Variants in GPR55 observed in about 807,000 individuals in gnomAD.
The protein encoded by GPR55 is G protein-coupled receptor 55.
In GPR55, 6 loss-of-function variants were observed where a neutral mutation model predicts 7.9. The observed-to-expected ratio is 0.76, with a 90% CI of 0.41 to 1.49. The LOEUF (loss-of-function observed/expected upper bound fraction) is 1.49, where lower values mean the gene tolerates loss of function less well. GPR55 is among the 40% of genes most tolerant of loss of function. GPR55 has a pLI of 0.01. For missense variants in GPR55, 376 were observed against 406.0 expected (o/e 0.93, Z 0.63); for synonymous variants, 183 against 166.8 (o/e 1.10, Z -0.75).
chr2:230,935,276 A>G (rs1691116124), intron 1 of GPR55, among the ~76,000 whole-genome samples: 1 of 152,078 alleles, frequency 6.6e-6, no homozygotes, highest in Non-Finnish European at 1.5e-5. Context: ...TAGGAACTAG[A>G]GTGTGTGGTC....
intron 1 of GPR55, among the ~76,000 whole-genome samples, chr2:230,955,043 A>G (rs1170256767): frequency 3.3e-5 from 5 of 152,248 alleles, no homozygotes; most frequent in Non-Finnish European, 7.3e-5. Context: ...TTAGGGACAG[A>G]GTCATCTTTT....
At chr2:230,929,105 G>A (rs570742655), upstream of GPR55, among the ~76,000 whole-genome samples, 255 of 152,124 alleles carry the variant, frequency 1.7e-3, no homozygotes, top group African/African-American at 5.9e-3. Flanking sequence ...CCCCCACCTC[G>A]GCCTCCCAAA....
chr2:230,951,941 T>G (rs1175656862), intron 1 of GPR55, among the ~76,000 whole-genome samples: 1 of 151,738 alleles, frequency 6.6e-6, no homozygotes, highest in African/African-American at 2.4e-5. Flanking sequence ...TTTTTTTTAA[T>G]TTTTTTGCAG....
At chr2:230,946,414 GT>G (rs1287351196) in intron 1 of GPR55, among the ~76,000 whole-genome samples, 1 of 152,210 alleles carries the variant, frequency 6.6e-6, no homozygotes, top group Non-Finnish European at 1.5e-5. Context: ...CGATGGATGT[GT>G]TCATTAGCTT....
At chr2:230,931,701 T>C (rs895230877) in intron 1 of GPR55, among the ~76,000 whole-genome samples, 1 of 152,132 alleles carries the variant, frequency 6.6e-6, no homozygotes, top group Non-Finnish European at 1.5e-5. Context: ...GGCCTCACGG[T>C]GCGACCTCCT....
intron 1 of GPR55, among the ~76,000 whole-genome samples, chr2:230,935,709 A>C (rs1691122319): frequency 6.6e-6 from 1 of 152,232 alleles, no homozygotes; most frequent in Non-Finnish European, 1.5e-5. Flanking sequence ...GGTACGGAAT[A>C]CCGACACAGG....
intron 1 of GPR55, among the ~76,000 whole-genome samples, chr2:230,933,327 G>A (rs1047491425): frequency 1.7e-4 from 26 of 151,948 alleles, no homozygotes; most frequent in African/African-American, 5.8e-4. Flanking sequence ...CCTCCCATCC[G>A]TCCACCGCAT....
In GPR55 at chr2:230,910,900, G is replaced by A. The variant is rs1192779057; in HGVS notation, c.63C>T (p.Thr21=). The change falls in exon 2 of 2, where the codon ACC becomes ACT. Residue 21 remains threonine (T), a synonymous_variant. Coordinates refer to ENST00000650999, the MANE Select transcript of GPR55 (RefSeq NM_005683.4). The surrounding 1 kb of genome is among the most constrained non-coding windows in gnomAD (Gnocchi z 5.4). ...LFDGVNELMK[T]LQFAVHIPTF... is the part of the protein sequence containing the mutation. ...TGGGGATGTGGACTGCAAACTGTAG[G>A]GTTTTCATCAGCTCGTTGACACCGT... 1 of 1,612,914 alleles carries A rather than the reference G, an allele frequency of 6.2e-7. No individual in the cohort carries two copies. Among genetic ancestry groups the A allele is most frequent in the African/African-American group, 1.3e-5 (1 of 74,900 alleles).
At chr2:230,925,744 G>A (rs970226045), upstream of GPR55, among the ~76,000 whole-genome samples, 1 of 152,150 alleles carries the variant, frequency 6.6e-6, no homozygotes, top group African/African-American at 2.4e-5. Flanking sequence ...GCCTAGCGTC[G>A]GAGGAGACCT....
chr2:230,958,533 G>A (rs983009361), intron 1 of GPR55, among the ~76,000 whole-genome samples: 3 of 151,856 alleles, frequency 2.0e-5, no homozygotes, highest in Non-Finnish European at 1.5e-5. Context: ...ACCTCCCTCT[G>A]ACAGTGCCCC....
chr2:230,907,423 G>T lies in GPR55; in HGVS notation c.*2580C>A, dbSNP rs1690474104. The T allele has an allele frequency of 6.6e-6, 1 of 152,296 alleles. No homozygotes were observed. Among genetic ancestry groups the T allele is most frequent in the Non-Finnish European group, 1.5e-5 (1 of 68,082 alleles). The allele number at this position is 152,296 out of a possible 1,614,324, so 9.4% of individuals were successfully genotyped here. ...TCCTGTGCTGCTGGGCCCCACTGCT[G>T]ATTATGGGCCAGCTTGGGTTGCAGC... is the stretch of plus-strand genomic sequence containing the variant. On this transcript the variant is annotated 3_prime_UTR_variant, in exon 2 of 2. Transcript: ENST00000650999.
chr2:230,938,612 GT>G (rs1691170361), intron 1 of GPR55, among the ~76,000 whole-genome samples: 1 of 152,218 alleles, frequency 6.6e-6, no homozygotes, highest in African/African-American at 2.4e-5. Flanking sequence ...AAGATCCCAG[GT>G]GCTCATTTGG....
chr2:230,935,457 G>T (rs576603012), intron 1 of GPR55, among the ~76,000 whole-genome samples: 1 of 152,320 alleles, frequency 6.6e-6, no homozygotes, highest in Non-Finnish European at 1.5e-5. Flanking sequence ...AAGGGGTTTT[G>T]CCCAGTTGAT....
intron 1 of GPR55, among the ~76,000 whole-genome samples, chr2:230,959,440 C>A (rs988386399): frequency 5.3e-5 from 8 of 151,934 alleles, no homozygotes; most frequent in Non-Finnish European, 1.0e-4. Context: ...CAGAGTGAAA[C>A]CCTGTCTCAA....
intron 1 of GPR55, among the ~76,000 whole-genome samples, chr2:230,936,294 T>A (rs1268768744): frequency 1.3e-5 from 2 of 152,318 alleles, no homozygotes; most frequent in Admixed American, 1.3e-4. Flanking sequence ...GTTCTCATAA[T>A]CCTCACATGT....
chr2:230,925,454 A>G (rs968305365), upstream of GPR55, among the ~76,000 whole-genome samples: 1 of 152,030 alleles, frequency 6.6e-6, no homozygotes, highest in African/African-American at 2.4e-5. Context: ...CTCTTGGAAG[A>G]TCTGCACGCC....
intron 1 of GPR55, among the ~76,000 whole-genome samples, chr2:230,958,934 G>GA (rs1691530359): frequency 6.6e-6 from 1 of 152,108 alleles, no homozygotes; most frequent in African/African-American, 2.4e-5. Flanking sequence ...AAGACAAGCT[G>GA]AAATCTTGGT....
At chr2:230,952,028 A>C (rs900583083) in intron 1 of GPR55, among the ~76,000 whole-genome samples, 3 of 152,094 alleles carry the variant, frequency 2.0e-5, no homozygotes, top group Admixed American at 6.5e-5. Context: ...CAAACTCCCA[A>C]GTGCTGGGAT....
intron 1 of GPR55, among the ~76,000 whole-genome samples, chr2:230,922,282 C>T (rs1690855487): frequency 6.6e-6 from 1 of 152,162 alleles, no homozygotes; most frequent in Non-Finnish European, 1.5e-5. Flanking sequence ...CTTGCTTCTC[C>T]TCCTGGCTCC....
Sources: gnomAD v4.1 joint callset for allele counts (sites outside exome capture counted in the v4.1 genomes callset) on GRCh38, gnomAD v4.1.1 for gene constraint, Gnocchi (gnomAD v3.1) non-coding constraint, MANE v1.5 for transcripts, NCBI Gene and HGNC (gene_info 2026-07-23, HGNC 2026-07-21) for gene names.